The following RNF13 variants were observed in gnomAD, a reference collection of about 807,000 sequenced individuals.
RNF13 encodes E3 ubiquitin-protein ligase RNF13.
A neutral mutation model predicts 37.7 loss-of-function variants in RNF13; 19 were observed. That is an observed-to-expected ratio of 0.50 (90% CI 0.35 to 0.74). The LOEUF (loss-of-function observed/expected upper bound fraction) is 0.74. RNF13 is among the 30% of genes least tolerant of loss of function. The probability of loss-of-function intolerance (pLI) is 0.01; values close to 1 mark genes in which losing one functional copy is unlikely to be tolerated. For missense variants in RNF13, 375 were observed against 453.0 expected (o/e 0.83, Z 1.56); for synonymous variants, 144 against 157.8 (o/e 0.91, Z 0.65).
chr3:149,910,764 C>T (rs1334285610), intron 6 of RNF13, among the ~76,000 whole-genome samples: 10 of 152,132 alleles, frequency 6.6e-5, no homozygotes, highest in Admixed American at 2.6e-4. Flanking sequence ...GCACAGTGGA[C>T]CCAATGGATT....
chr3:149,887,200 A>C (rs916945202), intron 4 of RNF13, among the ~76,000 whole-genome samples: 1 of 152,204 alleles, frequency 6.6e-6, no homozygotes, highest in African/African-American at 2.4e-5. Context: ...AGGACTTTAC[A>C]TGGAACTCAG....
intron 4 of RNF13, among the ~76,000 whole-genome samples, chr3:149,874,149 T>C (rs184283374): frequency 9.5e-4 from 144 of 152,316 alleles, no homozygotes; most frequent in African/African-American, 3.2e-3. Context: ...TACATGTTCT[T>C]TAACTTGGTT....
At chr3:149,957,375 G>A (rs1349766708) in intron 8 of RNF13, among the ~76,000 whole-genome samples, 2 of 150,656 alleles carry the variant, frequency 1.3e-5, no homozygotes, top group African/African-American at 4.8e-5. Context: ...TTTGACTGGG[G>A]ATGGGTTGAG....
intron 1 of RNF13, among the ~76,000 whole-genome samples, chr3:149,830,909 A>G (rs1720961153): frequency 6.6e-6 from 1 of 152,086 alleles, no homozygotes; most frequent in South Asian, 2.1e-4. Flanking sequence ...CCTGGGTCCT[A>G]GCTGTGGCTA....
intron 1 of RNF13, among the ~76,000 whole-genome samples, chr3:149,843,304 C>T (rs757386499): frequency 1.3e-5 from 2 of 152,048 alleles, no homozygotes; most frequent in African/African-American, 4.8e-5. Context: ...GCAGGGAGTC[C>T]TGGAACTGAT....
intron 8 of RNF13, among the ~76,000 whole-genome samples, chr3:149,945,061 T>C (rs993802386): frequency 4.6e-5 from 7 of 152,240 alleles, no homozygotes; most frequent in Admixed American, 6.5e-5. Flanking sequence ...ATTTATTAAA[T>C]AGGGAATCCT....
chr3:149,953,093 A>G (rs1183238441), intron 8 of RNF13, among the ~76,000 whole-genome samples: 1 of 152,050 alleles, frequency 6.6e-6, no homozygotes, highest in East Asian at 1.9e-4. Flanking sequence ...GACTATTTAA[A>G]ATACTATAGG....
intron 4 of RNF13, among the ~76,000 whole-genome samples, chr3:149,880,476 A>C (rs1576812848): frequency 6.6e-6 from 1 of 152,134 alleles, no homozygotes; most frequent in East Asian, 1.9e-4. Context: ...AGTATAGTTT[A>C]TTTTAACTGG....
chr3:149,895,628 T>C, intron 5 of RNF13, 68 bp downstream of exon 5: 1 of 1,095,052 alleles, frequency 9.1e-7, no homozygotes, highest in Non-Finnish European at 1.4e-6. Context: ...ATTAACAGGA[T>C]TTTCCTTCTC....
intron 8 of RNF13, among the ~76,000 whole-genome samples, chr3:149,942,912 T>C (rs1421011523): frequency 1.3e-5 from 2 of 152,206 alleles, no homozygotes; most frequent in Non-Finnish European, 2.9e-5. Flanking sequence ...CATGAGATTG[T>C]TGAATTTTGT....
chr3:149,822,334 T>A (rs931348007), intron 1 of RNF13, among the ~76,000 whole-genome samples: 2 of 152,108 alleles, frequency 1.3e-5, no homozygotes, highest in African/African-American at 2.4e-5. Context: ...GGTGTACAAG[T>A]CTCTCACCTC....
At chr3:149,922,366 G>T (rs1335592639) in intron 8 of RNF13, among the ~76,000 whole-genome samples, 4 of 152,192 alleles carry the variant, frequency 2.6e-5, no homozygotes, top group Non-Finnish European at 5.9e-5. Flanking sequence ...AGTTAAGAAT[G>T]AATGAATAAA....
intron 5 of RNF13, among the ~76,000 whole-genome samples, 198 bp downstream of exon 5, chr3:149,895,758 T>A (rs1380412599): frequency 6.6e-5 from 10 of 152,208 alleles, no homozygotes; most frequent in South Asian, 4.1e-4. Flanking sequence ...AGTTTTTTTT[T>A]AAACATATAT....
chr3:149,887,349 C>A (rs190184922), intron 4 of RNF13, among the ~76,000 whole-genome samples: 73 of 152,290 alleles, frequency 4.8e-4, no homozygotes, highest in African/African-American at 1.8e-3. Flanking sequence ...TAGACCAAAC[C>A]GATACCTATA....
chr3:149,914,993 A>T (rs893651173), intron 7 of RNF13, among the ~76,000 whole-genome samples: 2 of 152,000 alleles, frequency 1.3e-5, no homozygotes, highest in Non-Finnish European at 2.9e-5. Flanking sequence ...TACCTCCTTT[A>T]ACATTGTGCT....
Position 149,829,235 on chromosome 3 carries a change from G to A in RNF13, c.-17+15882G>A, listed in dbSNP as rs574797061. On this transcript the variant is annotated intron_variant, in intron 1 of 9. Coordinates refer to ENST00000392894, the MANE Select transcript of RNF13 (RefSeq NM_183381.3). ...CTGCCTCAGCCTCCCAAGTAGCTGG[G>A]ATTACAGACGTGAGCCACCAGGCTC... 4.8e-4 allele frequency among the ~76,000 whole-genome samples: 73 copies of A among 152,238 alleles called. No homozygotes were observed. In the Middle Eastern group the frequency reaches 0.01, roughly 21 times the overall value.
intron 5 of RNF13, among the ~76,000 whole-genome samples, chr3:149,896,509 C>T (rs1205328639): frequency 6.8e-6 from 1 of 147,744 alleles, no homozygotes; most frequent in African/African-American, 2.5e-5. Flanking sequence ...GATGGAGTTT[C>T]ACTCTTGTTG....
chr3:149,885,686 T>C (rs763905767), intron 4 of RNF13, among the ~76,000 whole-genome samples: 35 of 152,208 alleles, frequency 2.3e-4, no homozygotes, highest in Admixed American at 4.6e-4. Context: ...GTAGGTTGTC[T>C]CTTTACTTTG....
rs1186058605 is a variant in RNF13, at chr3:149,860,270, A to AATATAT, written c.195+7700_195+7705dup. Reference sequence around the variant, plus strand: ...GAGACTCCATCTAAAAAAAAAAAAAAATATATATATATATATATATATATA... The same window carrying AATATAT: ...GAGACTCCATCTAAAAAAAAAAAAAAATATATATATATATATATATATATATATATA... On this transcript the variant is annotated intron_variant, in intron 3 of 9. Transcript: ENST00000392894. 1.6e-3 allele frequency among the ~76,000 whole-genome samples: 166 copies of AATATAT among 104,064 alleles called. 3 individuals are homozygous for AATATAT. Among genetic ancestry groups the AATATAT allele is most frequent in the African/African-American group, 6.6e-3 (157 of 23,704 alleles). The allele number at this position is 104,064 out of a possible 152,430, so 68.3% of individuals were successfully genotyped here.
Sources: allele counts gnomAD v4.1 joint callset (sites outside exome capture counted in the v4.1 genomes callset), GRCh38; gene constraint gnomAD v4.1.1; transcripts MANE v1.5; gene names NCBI Gene and HGNC (gene_info 2026-07-23, HGNC 2026-07-21).